The following SLC12A8 variants were observed in gnomAD, a reference collection of about 807,000 sequenced individuals.
SLC12A8 encodes the protein solute carrier family 12 member 8.
A neutral mutation model predicts 75.6 loss-of-function variants in SLC12A8; 69 were observed. The observed-to-expected ratio is 0.91, with a 90% confidence interval of 0.75 to 1.11. SLC12A8 has a LOEUF of 1.11. Ranked by LOEUF, SLC12A8 falls within the 50% of genes most tolerant of loss-of-function variation. The pLI, the probability that SLC12A8 is intolerant of heterozygous loss-of-function variation, is 0.00. For synonymous variants in SLC12A8, 365 were observed against 372.8 expected (o/e 0.98, Z 0.24); for missense variants, 877 against 896.7 (o/e 0.98, Z 0.28).
intron 2 of SLC12A8, among the ~76,000 whole-genome samples, chr3:125,193,905 C>G (rs1428456389): frequency 1.3e-5 from 2 of 152,152 alleles, no homozygotes; most frequent in Admixed American, 1.3e-4. Context: ...GAGGTCTGGT[C>G]CCAACCATGG....
chr3:125,085,783 C>T (rs773921407), intron 13 of SLC12A8, among the ~76,000 whole-genome samples: 1 of 151,962 alleles, frequency 6.6e-6, no homozygotes, highest in Non-Finnish European at 1.5e-5. Context: ...TGCCATGTTG[C>T]CGAGGCTGGT....
intron 8 of SLC12A8, among the ~76,000 whole-genome samples, chr3:125,113,380 C>T (rs1560055609): frequency 6.6e-6 from 1 of 152,208 alleles, no homozygotes; most frequent in Admixed American, 6.5e-5. Flanking sequence ...AAATGTTGGT[C>T]TCCACATCTA....
chr3:125,159,394 T>C (rs11928563), intron 5 of SLC12A8, among the ~76,000 whole-genome samples: 2,493 of 151,852 alleles, frequency 0.016, 63 homozygotes, highest in African/African-American at 0.057. Context: ...CCGCACCCAT[T>C]AAAGAGATTT....
intron 13 of SLC12A8, 56 bp downstream of exon 13, chr3:125,088,254 C>T: frequency 3.2e-6 from 5 of 1,576,086 alleles, no homozygotes; most frequent in Non-Finnish European, 4.4e-6. Context: ...CCCTTGGCAC[C>T]TCCCAGGACT....
intron 5 of SLC12A8, among the ~76,000 whole-genome samples, chr3:125,168,924 G>A (rs2107782644): frequency 6.6e-6 from 1 of 152,272 alleles, no homozygotes; most frequent in East Asian, 1.9e-4. Flanking sequence ...TGGCCCAACT[G>A]ATCCACCTCC....
At chr3:125,208,808 A>AGG (rs1935279970) in intron 2 of SLC12A8, among the ~76,000 whole-genome samples, 2 of 146,118 alleles carry the variant, frequency 1.4e-5, no homozygotes, top group African/African-American at 2.5e-5. Flanking sequence ...AGAGAGAGAG[A>AGG]GAGAGAGAGA....
intron 5 of SLC12A8, among the ~76,000 whole-genome samples, chr3:125,158,775 A>T (rs936635521): frequency 6.6e-6 from 1 of 152,232 alleles, no homozygotes; most frequent in African/African-American, 2.4e-5. Flanking sequence ...ATTAAGTATC[A>T]GCCCATAAGG....
intron 1 of SLC12A8, among the ~76,000 whole-genome samples, chr3:125,212,124 G>GT (rs1935348331): frequency 6.6e-6 from 1 of 152,034 alleles, no homozygotes; most frequent in Admixed American, 6.5e-5. Context: ...CGAGGGGGAG[G>GT]GTTAGAGCTG....
chr3:125,113,833 T>C (rs746516991), intron 8 of SLC12A8, among the ~76,000 whole-genome samples: 15 of 152,074 alleles, frequency 9.9e-5, no homozygotes, highest in Non-Finnish European at 2.1e-4. Context: ...TCTCTGCTCT[T>C]AGTATTTTCT....
intron 2 of SLC12A8, among the ~76,000 whole-genome samples, chr3:125,206,404 G>A (rs1028507858): frequency 1.1e-4 from 17 of 152,150 alleles, no homozygotes; most frequent in African/African-American, 3.6e-4. Flanking sequence ...AAGTCTCTGG[G>A]CTTGCTTCTT....
At chr3:125,110,391 A>AC (rs200697032) in intron 8 of SLC12A8, 56 bp from the exon 9 acceptor site, 39,832 of 1,567,232 alleles carry the variant, frequency 0.025, 567 homozygotes, top group Non-Finnish European at 0.031. Flanking sequence ...GTGCCTTTCT[A>AC]CCCCCCCAGC....
At chr3:125,126,803 G>C (rs887170885) in intron 6 of SLC12A8, among the ~76,000 whole-genome samples, 1 of 151,774 alleles carries the variant, frequency 6.6e-6, no homozygotes. Context: ...TTTCTCTGCT[G>C]CCTGTTTTCT....
intron 5 of SLC12A8, among the ~76,000 whole-genome samples, chr3:125,142,289 C>A (rs1460992451): frequency 6.6e-6 from 1 of 152,234 alleles, no homozygotes; most frequent in Non-Finnish European, 1.5e-5. Context: ...TACTGCCCAG[C>A]CCCAGATGGG....
intron 10 of SLC12A8, among the ~76,000 whole-genome samples, chr3:125,096,012 C>G (rs960140330): frequency 6.6e-6 from 1 of 152,180 alleles, no homozygotes; most frequent in Non-Finnish European, 1.5e-5. Flanking sequence ...CCCACATGGC[C>G]CTATACAGCA....
intron 13 of SLC12A8, among the ~76,000 whole-genome samples, chr3:125,087,018 G>A (rs1206143665): frequency 2.6e-5 from 4 of 152,024 alleles, no homozygotes; most frequent in African/African-American, 7.2e-5. Context: ...CAACGTGAAT[G>A]TCCTTAATGC....
rs187761340 is a variant in SLC12A8, at chr3:125,212,257, G to C, written c.-46+443C>G. ...GCCCAGTGGGAAGCTGGGAAGGCTG[G>C]GGGACTTGGTGGGCTGCAGTCCTGC... On this transcript the variant is annotated intron_variant, in intron 1 of 13. Transcript: ENST00000469902. Among the ~76,000 whole-genome samples, 740 of 152,194 alleles carry C rather than the reference G, an allele frequency of 4.9e-3. 2 individuals carry two copies. The highest frequency in any genetic ancestry group is 0.017 in the African/African-American group (704 of 41,540).
intron 2 of SLC12A8, among the ~76,000 whole-genome samples, chr3:125,193,651 C>G (rs1044795764): frequency 6.6e-6 from 1 of 152,216 alleles, no homozygotes; most frequent in Non-Finnish European, 1.5e-5. Context: ...AGAATGTCAG[C>G]TCCCGTCCAC....
At chr3:125,117,797 A>G (rs1939348731) in intron 8 of SLC12A8, among the ~76,000 whole-genome samples, 1 of 152,164 alleles carries the variant, frequency 6.6e-6, no homozygotes, top group South Asian at 2.1e-4. Flanking sequence ...AATCTTATTC[A>G]TGTGGCTTCT....
chr3:125,178,080 C>A, intron 4 of SLC12A8, 106 bp from the exon 5 acceptor site: 1 of 929,284 alleles, frequency 1.1e-6, no homozygotes. Context: ...GACACACTCA[C>A]TGGCACCAAG....
Sources: allele counts gnomAD v4.1 joint callset (sites outside exome capture counted in the v4.1 genomes callset), GRCh38; gene constraint gnomAD v4.1.1; transcripts MANE v1.5; gene names NCBI Gene and HGNC (gene_info 2026-07-23, HGNC 2026-07-21).